Variants in DSCAM observed in about 807,000 individuals in gnomAD.
The protein encoded by DSCAM is DS cell adhesion molecule, also known as cell adhesion molecule DSCAM.
A neutral mutation model predicts 217.7 loss-of-function variants in DSCAM; 47 were observed. The ratio of observed to expected loss-of-function variants is 0.22; its 90% CI spans 0.17 to 0.28. The LOEUF (loss-of-function observed/expected upper bound fraction) is 0.28, where lower values mean the gene tolerates loss of function less well. Ranked by LOEUF, DSCAM falls within the 10% of genes least tolerant of loss-of-function variation. The probability of loss-of-function intolerance (pLI) is 1.00; values close to 1 mark genes in which losing one functional copy is unlikely to be tolerated. For synonymous variants in DSCAM, 1,056 were observed against 1,015.3 expected, an observed-to-expected ratio of 1.04 and a Z score of -0.76; for missense variants, 2,080 against 2,618.3, an observed-to-expected ratio of 0.79 and a Z score of 4.49.
At chr21:40,093,096 T>A (rs2089631410) in intron 21 of DSCAM, among the ~76,000 whole-genome samples, 1 of 152,222 alleles carries the variant, frequency 6.6e-6, no homozygotes, top group Non-Finnish European at 1.5e-5. Context: ...TGACTTATTA[T>A]GAATGCTAAT....
intron 1 of DSCAM, among the ~76,000 whole-genome samples, chr21:40,782,005 A>AG (rs996709595): frequency 9.4e-5 from 14 of 149,582 alleles, no homozygotes; most frequent in Admixed American, 3.3e-4. Context: ...AAAAAAAAAA[A>AG]AAAAAGAAAA....
At chr21:40,442,093 A>T (rs8129771) in intron 3 of DSCAM, among the ~76,000 whole-genome samples, 105,211 of 152,084 alleles carry the variant, frequency 0.69, 36,804 homozygotes, top group Middle Eastern at 0.81. Context: ...ATTGAAAGAA[A>T]CCGAGCATAT....
intron 3 of DSCAM, among the ~76,000 whole-genome samples, chr21:40,667,527 C>T (rs1056898052): frequency 6.6e-6 from 1 of 152,160 alleles, no homozygotes; most frequent in South Asian, 2.1e-4. Context: ...TCGATTTATG[C>T]CTCTTGATAT....
intron 3 of DSCAM, among the ~76,000 whole-genome samples, chr21:40,473,279 TA>T (rs373411222): frequency 2.5e-4 from 38 of 152,268 alleles, no homozygotes; most frequent in African/African-American, 8.9e-4. Flanking sequence ...ATTTTGGACC[TA>T]GAGGTGGTTA....
At chr21:40,101,285 G>C (rs941698448) in intron 20 of DSCAM, among the ~76,000 whole-genome samples, 1 of 152,004 alleles carries the variant, frequency 6.6e-6, no homozygotes, top group African/African-American at 2.4e-5. Context: ...TGAGAAGCAA[G>C]CCAACATTTA....
intron 3 of DSCAM, among the ~76,000 whole-genome samples, chr21:40,524,427 A>G (rs2076384167): frequency 6.6e-6 from 1 of 151,990 alleles, no homozygotes. Context: ...ATATTCCTTA[A>G]AAGGTTGAAT....
intron 3 of DSCAM, chr21:40,384,790 T>C (rs2075066167): frequency 6.6e-6 from 1 of 152,206 alleles, no homozygotes; most frequent in Non-Finnish European, 1.5e-5. Flanking sequence ...ATGATCCTTG[T>C]TTGGTCTCAC....
chr21:40,066,184 C>T (rs1197920762), intron 27 of DSCAM, among the ~76,000 whole-genome samples: 1 of 152,210 alleles, frequency 6.6e-6, no homozygotes, highest in Non-Finnish European at 1.5e-5. Context: ...CACCTGTTTT[C>T]GGGTTGTCTT....
chr21:40,574,144 G>C (rs548522296), intron 3 of DSCAM, among the ~76,000 whole-genome samples: 1 of 151,708 alleles, frequency 6.6e-6, no homozygotes, highest in African/African-American at 2.4e-5. Context: ...GAGACTGCAC[G>C]ACCCAGATAT....
intron 18 of DSCAM, among the ~76,000 whole-genome samples, chr21:40,138,934 T>C (rs2090252489): frequency 1.4e-5 from 2 of 142,122 alleles, no homozygotes; most frequent in Non-Finnish European, 3.1e-5. Flanking sequence ...GTGTGGTACA[T>C]GGTGTATATG....
intron 3 of DSCAM, among the ~76,000 whole-genome samples, chr21:40,598,845 C>T (rs1281575817): frequency 6.6e-6 from 1 of 152,152 alleles, no homozygotes; most frequent in Non-Finnish European, 1.5e-5. Flanking sequence ...TGTTACTCCA[C>T]ATCTCATCAG....
intron 3 of DSCAM, among the ~76,000 whole-genome samples, chr21:40,634,359 T>C (rs75433366): frequency 0.03 from 4,523 of 152,284 alleles, 115 homozygotes; most frequent in Middle Eastern, 0.051. Context: ...CAGAGGGACT[T>C]TGTGACGGAA....
chr21:40,700,404 T>C (rs2090642724), intron 2 of DSCAM, among the ~76,000 whole-genome samples: 1 of 152,226 alleles, frequency 6.6e-6, no homozygotes, highest in African/African-American at 2.4e-5. Flanking sequence ...TTTTAATCAT[T>C]AGTGGATGTT....
At chr21:40,028,791 G>A (rs1448673355) in intron 32 of DSCAM, among the ~76,000 whole-genome samples, 20 of 152,288 alleles carry the variant, frequency 1.3e-4, no homozygotes, top group Admixed American at 7.8e-4. Context: ...GAGATCACCC[G>A]TCTTCTGCGT....
intron 3 of DSCAM, among the ~76,000 whole-genome samples, chr21:40,527,390 C>T (rs928696001): frequency 1.8e-4 from 27 of 152,308 alleles, no homozygotes; most frequent in African/African-American, 6.5e-4. Context: ...TGTGTACCAG[C>T]ACTGAGTCTA....
At chr21:40,338,011 G>A in intron 8 of DSCAM, 90 bp downstream of exon 8, 2 of 1,501,670 alleles carry the variant, frequency 1.3e-6, no homozygotes, top group Non-Finnish European at 1.8e-6. Context: ...TAAATAAGCA[G>A]ATCTTGGATT....
chr21:40,044,668 AC>A (rs1239784049), intron 30 of DSCAM, among the ~76,000 whole-genome samples: 7 of 152,170 alleles, frequency 4.6e-5, no homozygotes, highest in African/African-American at 1.4e-4. Context: ...AGAAAATGAA[AC>A]CAATTACTGT....
At chr21:40,129,567 C>T (rs1568956103) in intron 19 of DSCAM, among the ~76,000 whole-genome samples, 1 of 152,138 alleles carries the variant, frequency 6.6e-6, no homozygotes, top group Non-Finnish European at 1.5e-5. Context: ...GTTTGGGATC[C>T]ACTGCAGTGG....
intron 6 of DSCAM, among the ~76,000 whole-genome samples, chr21:40,343,837 T>C (rs2074526167): frequency 6.6e-6 from 1 of 150,516 alleles, no homozygotes; most frequent in South Asian, 2.1e-4. Context: ...CTTTATTTTA[T>C]TTATTATTAT....
Sources: allele counts gnomAD v4.1 joint callset (sites outside exome capture counted in the v4.1 genomes callset), GRCh38; gene constraint gnomAD v4.1.1; transcripts MANE v1.5; gene names NCBI Gene and HGNC (gene_info 2026-07-23, HGNC 2026-07-21).